The following LPP variants were observed in gnomAD, a reference collection of about 807,000 sequenced individuals.
The protein encoded by LPP is lipoma-preferred partner.
A neutral mutation model predicts 60.4 loss-of-function variants in LPP; 38 were observed. The observed-to-expected ratio is 0.63, with a 90% CI of 0.49 to 0.83. LPP has a LOEUF of 0.83. LPP is among the 40% of genes least tolerant of loss of function. The pLI, the probability that LPP is intolerant of heterozygous loss-of-function variation, is 0.00. For missense variants in LPP, 902 were observed against 783.6 expected, an observed-to-expected ratio of 1.15 and a Z score of -1.80; for synonymous variants, 328 against 290.8, an observed-to-expected ratio of 1.13 and a Z score of -1.30.
rs145276261 is a variant in LPP, at chr3:188,686,694, T to A, written c.1114-21573T>A. ...AGTGATTCTGATGGGCAGCCAAGAC[T>A]AAGAATCTATGATTTAGATAGAAGA... On this transcript the variant is annotated intron_variant, in intron 7 of 11. Coordinates refer to ENST00000617246, the MANE Select transcript of LPP (RefSeq NM_001375462.1). Among the ~76,000 whole-genome samples the A allele has an allele frequency of 5.9e-4, 90 of 152,270 alleles. 1 individual carries two copies. The East Asian group carries it at 0.017, about 28-fold the overall frequency.
intron 2 of LPP, among the ~76,000 whole-genome samples, chr3:188,250,730 CTT>C (rs747031515): frequency 0.022 from 1,253 of 56,224 alleles, 16 homozygotes; most frequent in Non-Finnish European, 0.033. Context: ...TTCTCTCTTT[CTT>C]TCTTTCTTTC....
chr3:188,416,032 A>G (rs1786174958), intron 4 of LPP, among the ~76,000 whole-genome samples: 1 of 152,122 alleles, frequency 6.6e-6, no homozygotes, highest in South Asian at 2.1e-4. Context: ...GAGCATTACC[A>G]TTTAGGGAAC....
chr3:188,636,393 C>A (rs544636603), intron 7 of LPP, among the ~76,000 whole-genome samples: 46 of 152,248 alleles, frequency 3.0e-4, no homozygotes, highest in Non-Finnish European at 5.1e-4. Flanking sequence ...CCGCACCTTG[C>A]TCGGAGGGTC....
At chr3:188,416,826 G>A (rs1300143626) in intron 4 of LPP, among the ~76,000 whole-genome samples, 1 of 152,150 alleles carries the variant, frequency 6.6e-6, no homozygotes, top group African/African-American at 2.4e-5. Flanking sequence ...TCTTGCTATT[G>A]TGTTGCTTTG....
chr3:188,543,133 G>C (rs538326157), intron 6 of LPP, among the ~76,000 whole-genome samples: 1 of 152,100 alleles, frequency 6.6e-6, no homozygotes, highest in Non-Finnish European at 1.5e-5. Context: ...TAGGGCTTAC[G>C]TTTCTGTTAG....
chr3:188,220,611 C>G (rs1474997693), intron 1 of LPP, among the ~76,000 whole-genome samples: 3 of 152,180 alleles, frequency 2.0e-5, no homozygotes, highest in Non-Finnish European at 2.9e-5. Context: ...CTGGGTAGGC[C>G]TCTGGCTCCT....
chr3:188,689,172 G>A (rs1228882196), intron 7 of LPP, among the ~76,000 whole-genome samples: 1 of 152,140 alleles, frequency 6.6e-6, no homozygotes, highest in East Asian at 1.9e-4. Flanking sequence ...TTTGAGCCTG[G>A]GGTCGGCCTG....
intron 9 of LPP, among the ~76,000 whole-genome samples, chr3:188,814,695 T>TA (rs1751990150): frequency 6.6e-6 from 1 of 152,242 alleles, no homozygotes; most frequent in South Asian, 2.1e-4. Context: ...TTCCATTCCA[T>TA]CTTGCTCTTG....
intron 8 of LPP, among the ~76,000 whole-genome samples, chr3:188,716,797 T>G (rs1337339105): frequency 6.6e-6 from 1 of 152,198 alleles, no homozygotes; most frequent in Admixed American, 6.5e-5. Context: ...AAGCAACTGA[T>G]GGATGATTAG....
intron 5 of LPP, among the ~76,000 whole-genome samples, chr3:188,522,939 G>A (rs370366322): frequency 9.9e-5 from 15 of 151,270 alleles, no homozygotes; most frequent in East Asian, 3.9e-4. Context: ...ACAGAGTCTC[G>A]CTCTGTCATG....
At chr3:188,249,057 T>A (rs1301639225) in intron 2 of LPP, among the ~76,000 whole-genome samples, 1 of 152,138 alleles carries the variant, frequency 6.6e-6, no homozygotes, top group South Asian at 2.1e-4. Context: ...TCAGGAGTTT[T>A]AGAAGAAGAA....
At chr3:188,717,984 A>C (rs1387160221) in intron 8 of LPP, among the ~76,000 whole-genome samples, 1 of 151,978 alleles carries the variant, frequency 6.6e-6, no homozygotes, top group Non-Finnish European at 1.5e-5. Flanking sequence ...TGCCAGGCTA[A>C]TTATTTTTGT....
At chr3:188,730,433 A>T (rs1720022104) in intron 8 of LPP, among the ~76,000 whole-genome samples, 1 of 152,184 alleles carries the variant, frequency 6.6e-6, no homozygotes, top group Admixed American at 6.5e-5. Flanking sequence ...TTTGGTAGTT[A>T]TGAATTGAGT....
intron 3 of LPP, among the ~76,000 whole-genome samples, chr3:188,375,550 G>GA (rs1301536958): frequency 6.6e-6 from 1 of 152,092 alleles, no homozygotes; most frequent in African/African-American, 2.4e-5. Context: ...GATTGGTGGT[G>GA]ATATCCCCTT....
chr3:188,750,568 G>A (rs1257060850), intron 8 of LPP, among the ~76,000 whole-genome samples: 3 of 152,080 alleles, frequency 2.0e-5, no homozygotes, highest in African/African-American at 7.2e-5. Flanking sequence ...GGGAGGCAGA[G>A]GTTGCAGTGA....
In LPP at chr3:188,695,238, C is replaced by T. The variant is rs571127145; in HGVS notation, c.1114-13029C>T. Among the ~76,000 whole-genome samples, 26 of 152,300 alleles carry T rather than the reference C, an allele frequency of 1.7e-4. No individual in the cohort carries two copies. The South Asian group carries it at 1.9e-3, about 11-fold the overall frequency. ...ACATAAATTAAATACTAATGTATTT[C>T]TACCTTTCAGAGTTTGTGGGAATGG... On this transcript the variant is annotated intron_variant, in intron 7 of 11. Coordinates refer to ENST00000617246, the MANE Select transcript of LPP (RefSeq NM_001375462.1).
chr3:188,318,837 C>A (rs1264011004), intron 2 of LPP, among the ~76,000 whole-genome samples: 1 of 143,310 alleles, frequency 7.0e-6, no homozygotes, highest in Non-Finnish European at 1.5e-5. Flanking sequence ...CGGCTCACTG[C>A]AAGCTCCGCC....
chr3:188,755,860 A>C (rs867493818), intron 8 of LPP, among the ~76,000 whole-genome samples: 1 of 136,116 alleles, frequency 7.3e-6, no homozygotes, highest in African/African-American at 2.8e-5. Context: ...AAAAAAAAAA[A>C]AAAAACAAAG....
At chr3:188,368,931 AC>A (rs1772156358) in intron 3 of LPP, among the ~76,000 whole-genome samples, 1 of 152,210 alleles carries the variant, frequency 6.6e-6, no homozygotes, top group Non-Finnish European at 1.5e-5. Flanking sequence ...GTCACCCGCC[AC>A]ATTTTATCTC....
Sources: gnomAD v4.1 joint callset for allele counts (sites outside exome capture counted in the v4.1 genomes callset) on GRCh38, gnomAD v4.1.1 for gene constraint, MANE v1.5 for transcripts, NCBI Gene and HGNC (gene_info 2026-07-23, HGNC 2026-07-21) for gene names.